The following GAS2 variants were observed in gnomAD, a reference collection of about 807,000 sequenced individuals.
The protein encoded by GAS2 is growth arrest-specific protein 2.
A neutral mutation model predicts 37.5 loss-of-function variants in GAS2; 20 were observed. The observed-to-expected ratio is 0.53, with a 90% CI of 0.37 to 0.77. GAS2 has a LOEUF of 0.77. Ranked by LOEUF, GAS2 falls within the 30% of genes least tolerant of loss-of-function variation. The pLI is 0.00. For synonymous variants in GAS2, 144 were observed against 132.2 expected, an observed-to-expected ratio of 1.09 and a Z score of -0.61; for missense variants, 336 against 373.4, an observed-to-expected ratio of 0.90 and a Z score of 0.82.
chr11:22,646,754 T>G (rs1455869177), intron 1 of GAS2, among the ~76,000 whole-genome samples: 1 of 152,154 alleles, frequency 6.6e-6, no homozygotes, highest in Non-Finnish European at 1.5e-5. Flanking sequence ...CCATCCACGG[T>G]AAATGGCCTA....
intron 7 of GAS2, among the ~76,000 whole-genome samples, chr11:22,789,303 T>TATATATATATAC (rs1350750428): frequency 9.0e-6 from 1 of 111,120 alleles, no homozygotes; most frequent in African/African-American, 3.7e-5. Flanking sequence ...TATATATATA[T>TATATATATATAC]ACACACACAC....
chr11:22,793,211 TTGCAGTGAACTGAGATCG>T (rs1471973969), intron 7 of GAS2, among the ~76,000 whole-genome samples: 1 of 151,998 alleles, frequency 6.6e-6, no homozygotes, highest in Non-Finnish European at 1.5e-5. Context: ...GAGGCAGAGA[TTGCAGTGAACTGAGATCG>T]TGCCACTGCA....
At chr11:22,703,779 G>C (rs774840279) in intron 3 of GAS2, among the ~76,000 whole-genome samples, 15 of 152,134 alleles carry the variant, frequency 9.9e-5, no homozygotes, top group Non-Finnish European at 1.8e-4. Context: ...GACATGAATG[G>C]CTTCTATTGT....
intron 2 of GAS2, among the ~76,000 whole-genome samples, chr11:22,676,443 A>G (rs867711636): frequency 6.6e-6 from 1 of 152,164 alleles, no homozygotes; most frequent in South Asian, 2.1e-4. Flanking sequence ...AGTTAAGAGC[A>G]CAGGCGCTGG....
upstream of GAS2, among the ~76,000 whole-genome samples, chr11:22,662,231 C>T (rs1187351072): frequency 1.3e-5 from 2 of 152,156 alleles, no homozygotes; most frequent in Non-Finnish European, 2.9e-5. Context: ...ATTTATAAGC[C>T]TGGCACACAG....
At chr11:22,800,963 G>C (rs1856636399) in intron 7 of GAS2, among the ~76,000 whole-genome samples, 1 of 151,418 alleles carries the variant, frequency 6.6e-6, no homozygotes, top group African/African-American at 2.4e-5. Flanking sequence ...TTTTTTTCTG[G>C]CTCTCCTATG....
intron 5 of GAS2, among the ~76,000 whole-genome samples, chr11:22,739,572 CAAAAAAAA>C (rs71037525): frequency 4.6e-5 from 3 of 64,648 alleles, no homozygotes; most frequent in Non-Finnish European, 8.9e-5. Context: ...GATTCGCTCT[CAAAAAAAA>C]AAAAAAAAAA....
chr11:22,770,508 G>C (rs565989440), intron 7 of GAS2, among the ~76,000 whole-genome samples: 42 of 152,222 alleles, frequency 2.8e-4, no homozygotes, highest in African/African-American at 8.9e-4. Flanking sequence ...ATTTTCTCTA[G>C]GACTTTATTA....
At chr11:22,659,850 A>G (rs1250865389) in intron 1 of GAS2, among the ~76,000 whole-genome samples, 1 of 144,992 alleles carries the variant, frequency 6.9e-6, no homozygotes, top group Non-Finnish European at 1.5e-5. Flanking sequence ...GAAGGAAAAG[A>G]GAGAAGAGAG....
At chr11:22,799,744 T>C (rs1300858512) in intron 7 of GAS2, among the ~76,000 whole-genome samples, 2 of 152,082 alleles carry the variant, frequency 1.3e-5, no homozygotes, top group African/African-American at 4.8e-5. Flanking sequence ...ATAAAGGTAG[T>C]GTTGCTTGGA....
At chr11:22,718,269 A>G (rs1335791728) in intron 3 of GAS2, among the ~76,000 whole-genome samples, 2 of 151,920 alleles carry the variant, frequency 1.3e-5, no homozygotes, top group African/African-American at 4.8e-5. Context: ...ATATATATAT[A>G]TATGGTGTGT....
At chr11:22,626,539 A>C (rs1858656696) in intron 1 of GAS2, 1 of 152,902 alleles carries the variant, frequency 6.5e-6, no homozygotes, top group African/African-American at 2.4e-5. Context: ...GAACAATAAT[A>C]AATGTTTGAT....
chr11:22,674,515 T>A (rs756396250), intron 1 of GAS2, among the ~76,000 whole-genome samples: 31 of 152,202 alleles, frequency 2.0e-4, no homozygotes, highest in Non-Finnish European at 3.2e-4. Flanking sequence ...GTTAACAAAT[T>A]GGGCACTAAC....
At chr11:22,793,936 G>C (rs781071078) in intron 7 of GAS2, among the ~76,000 whole-genome samples, 2 of 152,150 alleles carry the variant, frequency 1.3e-5, no homozygotes, top group Non-Finnish European at 2.9e-5. Flanking sequence ...AAGGTCAGAA[G>C]ACTGTTCCAT....
chr11:22,641,620 A>G (rs908289272), intron 1 of GAS2, among the ~76,000 whole-genome samples: 1 of 151,746 alleles, frequency 6.6e-6, no homozygotes, highest in South Asian at 2.1e-4. Context: ...CTGCTGTAAC[A>G]CACCTTTTTG....
chr11:22,755,486 T>TA (rs1279161027), intron 6 of GAS2, among the ~76,000 whole-genome samples: 1 of 152,138 alleles, frequency 6.6e-6, no homozygotes, highest in African/African-American at 2.4e-5. Context: ...TATTCTGGTT[T>TA]TCAATAGGTT....
At chr11:22,663,962 A>T (rs957917141), upstream of GAS2, among the ~76,000 whole-genome samples, 1 of 152,178 alleles carries the variant, frequency 6.6e-6, no homozygotes, top group Non-Finnish European at 1.5e-5. Context: ...ATGTCAACAA[A>T]ATGTAAGTAA....
At chr11:22,665,455 C>CA (rs1848968132), upstream of GAS2, among the ~76,000 whole-genome samples, 1 of 152,088 alleles carries the variant, frequency 6.6e-6, no homozygotes, top group Non-Finnish European at 1.5e-5. Context: ...TACTAAAACT[C>CA]ATCAGTAATG....
In GAS2 at chr11:22,650,065, A is replaced by G. The variant is rs1209876536; in HGVS notation, c.-21+24252A>G. Among the ~76,000 whole-genome samples, 1,070 of 150,964 alleles carry G rather than the reference A, an allele frequency of 7.1e-3. 10 individuals carry two copies. Among genetic ancestry groups the G allele is most frequent in the African/African-American group, 0.024 (1,006 of 41,094 alleles). ...CTCTTGTGGGCATTTAGTGCTATAA[A>G]TTTCCCTCTACACACTGCTTTGAAT... On this transcript the variant is annotated intron_variant, in intron 1 of 5. Coordinates refer to the GAS2 transcript ENST00000528582.
Sources: allele counts gnomAD v4.1 joint callset (sites outside exome capture counted in the v4.1 genomes callset), GRCh38; gene constraint gnomAD v4.1.1; transcripts MANE v1.5; gene names NCBI Gene and HGNC (gene_info 2026-07-23, HGNC 2026-07-21).